Variants in MRC1 observed in about 807,000 individuals in gnomAD.
The protein encoded by MRC1 is macrophage mannose receptor 1.
In MRC1, 62 loss-of-function variants were observed where a neutral mutation model predicts 102.9. The observed-to-expected ratio is 0.60, with a 90% CI of 0.49 to 0.74. The LOEUF (loss-of-function observed/expected upper bound fraction) is 0.74, where lower values mean the gene tolerates loss of function less well. MRC1 is among the 30% of genes least tolerant of loss of function. MRC1 has a pLI of 0.00. For synonymous variants in MRC1, 457 were observed against 298.4 expected, an observed-to-expected ratio of 1.53 and a Z score of -5.48; for missense variants, 1,237 against 862.8, an observed-to-expected ratio of 1.43 and a Z score of -5.43.
intron 28 of MRC1, among the ~76,000 whole-genome samples, chr10:17,907,946 G>A (rs1554843990): frequency 6.6e-6 from 1 of 152,196 alleles, no homozygotes; most frequent in African/African-American, 2.4e-5. Context: ...TGGGATATCT[G>A]AAGGATTTGC....
intron 3 of MRC1, among the ~76,000 whole-genome samples, chr10:17,832,732 C>T (rs923775482): frequency 7.3e-5 from 11 of 150,916 alleles, no homozygotes; most frequent in African/African-American, 2.4e-4. Flanking sequence ...GGACTACAGG[C>T]GCCCGCCACC....
At chr10:17,888,630 T>C (rs1416002237) in intron 22 of MRC1, among the ~76,000 whole-genome samples, 1 of 152,200 alleles carries the variant, frequency 6.6e-6, no homozygotes, top group African/African-American at 2.4e-5. Flanking sequence ...TAGAGAATAG[T>C]TTATGTGTTT....
intron 22 of MRC1, among the ~76,000 whole-genome samples, chr10:17,888,057 G>C (rs2130701649): frequency 6.6e-6 from 1 of 152,244 alleles, no homozygotes; most frequent in East Asian, 1.9e-4. Context: ...ACCTGCCTTG[G>C]CCTCCCAAAG....
At chr10:17,828,666 G>A (rs929885959) in intron 3 of MRC1, among the ~76,000 whole-genome samples, 35 of 151,538 alleles carry the variant, frequency 2.3e-4, no homozygotes, top group South Asian at 4.1e-4. Flanking sequence ...ATTAAGAAGG[G>A]TGCCATTTAG....
chr10:17,907,321 G>A (rs1833908947), intron 27 of MRC1, among the ~76,000 whole-genome samples: 1 of 152,182 alleles, frequency 6.6e-6, no homozygotes, highest in African/African-American at 2.4e-5. Context: ...TAGAAATACG[G>A]TTTTAACTAA....
intron 24 of MRC1, among the ~76,000 whole-genome samples, chr10:17,900,398 G>T (rs1236221862): frequency 1.3e-5 from 2 of 152,110 alleles, no homozygotes; most frequent in East Asian, 3.9e-4. Context: ...TGAATTTAAT[G>T]AAAATTACTT....
At chr10:17,812,100 T>C (rs1838232047) in intron 1 of MRC1, among the ~76,000 whole-genome samples, 2 of 152,132 alleles carry the variant, frequency 1.3e-5, no homozygotes, top group South Asian at 4.1e-4. Context: ...CCTTCCACCT[T>C]CAGGAGAGCA....
At position 17,870,409 on chromosome 10, in the gene MRC1, A is replaced by C. The variant is rs1323728915; in HGVS notation, c.2111+36A>C. ...TTTTTATGGATTCCTCCTTTTTGTT[A>C]TCTAGTTGGTGCTTATGAAGTTGAG... On this transcript the variant is annotated intron_variant, in intron 13 of 29. Transcript: ENST00000569591. 6 of 779,870 alleles carry C rather than the reference A, an allele frequency of 7.7e-6. No individual in the cohort carries two copies. The Admixed American group carries it at 1.0e-4, about 13-fold the overall frequency. 48.3% of individuals were successfully genotyped at this position (779,870 alleles called of 1,614,324 possible). A position where few individuals can be genotyped will look rare whatever the true frequency, so the allele number is the denominator to read the frequency against.
At chr10:17,868,942 A>G (rs1416755496) in intron 12 of MRC1, among the ~76,000 whole-genome samples, 1 of 152,210 alleles carries the variant, frequency 6.6e-6, no homozygotes, top group Admixed American at 6.5e-5. Flanking sequence ...ACCTCTGGAA[A>G]CTTTTGAGTT....
rs1838610457 is a variant in MRC1 at position 17,833,442 on chromosome 10, C to A, written c.638-233C>A. The stretch of plus-strand genomic sequence containing the variant: ...AAACTGAGGTGGGAAGATTGTTTAA[C>A]CTCAAGAGTTGGAGAGTACAGTGAG... On this transcript the variant is annotated intron_variant, in intron 3 of 29. Transcript: ENST00000569591. Among the ~76,000 whole-genome samples the A allele has an allele frequency of 2.0e-5, 3 of 150,346 alleles. No homozygotes were observed. In the South Asian group the frequency reaches 6.3e-4, roughly 31 times the overall value.
At chr10:17,841,040 T>C (rs1399712002) in intron 5 of MRC1, among the ~76,000 whole-genome samples, 1 of 152,212 alleles carries the variant, frequency 6.6e-6, no homozygotes, top group African/African-American at 2.4e-5. Flanking sequence ...CACAAAACAA[T>C]AAAGGTCTCT....
chr10:17,908,830 A>G (rs1201407495), intron 28 of MRC1, among the ~76,000 whole-genome samples: 1 of 152,186 alleles, frequency 6.6e-6, no homozygotes, highest in East Asian at 1.9e-4. Context: ...CAGGCTCCCA[A>G]AGTGCTGGGA....
At chr10:17,871,422 G>A (rs1029250166) in intron 14 of MRC1, among the ~76,000 whole-genome samples, 1 of 152,212 alleles carries the variant, frequency 6.6e-6, no homozygotes, top group South Asian at 2.1e-4. Context: ...GAACCCCGTG[G>A]GTTATGATTC....
At chr10:17,894,354 TTTTTTTTCCCCAC>T in intron 23 of MRC1, 42 bp downstream of exon 23, 1 of 851,312 alleles carries the variant, frequency 1.2e-6, no homozygotes. Flanking sequence ...GAGCTGGGGT[TTTTTTTTCCCCAC>T]TTTTTTCTTT....
chr10:17,852,232 A>G (rs1589178380), intron 7 of MRC1, among the ~76,000 whole-genome samples: 1 of 152,196 alleles, frequency 6.6e-6, no homozygotes, highest in African/African-American at 2.4e-5. Flanking sequence ...CAAAATGATC[A>G]TGTTTTAAAT....
At chr10:17,824,452 C>CT (rs1838443882) in intron 2 of MRC1, among the ~76,000 whole-genome samples, 2 of 152,298 alleles carry the variant, frequency 1.3e-5, no homozygotes, top group South Asian at 4.1e-4. Context: ...TCAGCTAAGA[C>CT]TGAGCATAGC....
chr10:17,880,673 A>G lies in MRC1; in HGVS notation c.2865+3A>G. ...GTTGGAATTTCTACAGCAACAAGGT[A>G]CTAGGAAAATTAGTTGCAATCTTGG... On this transcript the variant is annotated splice_donor_region_variant and intron_variant, in intron 20 of 29. Transcript: ENST00000569591. The G allele has an allele frequency of 1.3e-6, 1 of 780,870 alleles. No homozygotes were observed. Among genetic ancestry groups the G allele is most frequent in the Non-Finnish European group, 2.4e-6 (1 of 417,954 alleles). 48.4% of individuals were successfully genotyped at this position (780,870 alleles called of 1,614,324 possible). A position where few individuals can be genotyped will look rare whatever the true frequency, so the allele number is the denominator to read the frequency against.
Position 17,823,187 on chromosome 10 carries a change from C to T in MRC1, c.175C>T (p.Arg59Ter). ...CCAGGATGCCGAATCACAGAAATTC[C>T]GATGGGTGTCCGAATCTCAGATTAT... The part of the protein sequence containing the change: ...CNQDAESQKF[R>*]WVSESQIMSV... The change falls in exon 2 of 30, where the codon CGA (arginine) becomes TGA (stop). Residue 59 changes from arginine (R) to a stop codon, truncating the protein, a stop_gained. Transcript: ENST00000569591. LOFTEE classifies it high-confidence loss of function. The T allele has an allele frequency of 1.3e-6, 1 of 780,808 alleles. No homozygotes were observed. 48.4% of individuals were successfully genotyped at this position (780,808 alleles called of 1,614,324 possible).
At chr10:17,813,357 C>A (rs1838254379) in intron 1 of MRC1, among the ~76,000 whole-genome samples, 1 of 152,204 alleles carries the variant, frequency 6.6e-6, no homozygotes, top group South Asian at 2.1e-4. Flanking sequence ...TCCTCTATTT[C>A]ATTTCCCTCG....
Sources: gnomAD v4.1 joint callset for allele counts (sites outside exome capture counted in the v4.1 genomes callset) on GRCh38, gnomAD v4.1.1 for gene constraint, MANE v1.5 for transcripts, NCBI Gene and HGNC (gene_info 2026-07-23, HGNC 2026-07-21) for gene names.